The following SPATA6L variants were observed in gnomAD, a reference collection of about 807,000 sequenced individuals.
SPATA6L encodes spermatogenesis associated 6 like, also known as spermatogenesis associated 6-like protein.
SPATA6L carries 68 observed loss-of-function variants against 49.2 expected under a neutral mutation model. The ratio of observed to expected loss-of-function variants is 1.38; its 90% confidence interval spans 1.14 to 1.69. The LOEUF is 1.69. Among genes scored for constraint, SPATA6L ranks in the 40% most tolerant of loss-of-function variants. The probability of loss-of-function intolerance (pLI) is 0.00; values close to 1 mark genes in which losing one functional copy is unlikely to be tolerated. For synonymous variants in SPATA6L, 198 were observed against 165.7 expected, an observed-to-expected ratio of 1.19 and a Z score of -1.50; for missense variants, 668 against 464.3, an observed-to-expected ratio of 1.44 and a Z score of -4.03.
At position 4,598,670 on chromosome 9, in the gene SPATA6L, A is replaced by G. The variant is rs1822550550; in HGVS notation, c.*2141T>C. Among the ~76,000 whole-genome samples, 1 of 152,240 alleles carries G rather than the reference A, an allele frequency of 6.6e-6. No individual in the cohort carries two copies. On this transcript the variant is annotated 3_prime_UTR_variant, in exon 12 of 12. Transcript: ENST00000682582. ...GAATGTCATGGTGTATATTTTAACA[A>G]TAACTGAAATGGGATACCAATTCAT...
At chr9:4,645,557 C>A (rs1835191006) in intron 3 of SPATA6L, among the ~76,000 whole-genome samples, 1 of 152,106 alleles carries the variant, frequency 6.6e-6, no homozygotes, top group African/African-American at 2.4e-5. Context: ...AACAGTCTGA[C>A]TCCCACGATA....
Position 4,608,960 on chromosome 9 carries a change from G to A in SPATA6L, c.996-3520C>T, listed in dbSNP as rs1034975680. Among the ~76,000 whole-genome samples, 9 of 151,752 alleles carry A rather than the reference G, an allele frequency of 5.9e-5. 1 individual carries two copies. The highest frequency in any genetic ancestry group is 4.6e-4 in the Admixed American group (7 of 15,264). On this transcript the variant is annotated intron_variant, in intron 9 of 11. Coordinates refer to ENST00000682582, the MANE Select transcript of SPATA6L (RefSeq NM_001353486.2). Reference sequence around the variant, plus strand: ...TAGACGCAATATAAAATGATAAAGGGGATATCACCACCGATCCCACAGAAA... The same window carrying A: ...TAGACGCAATATAAAATGATAAAGGAGATATCACCACCGATCCCACAGAAA...
At chr9:4,619,590 T>A (rs1174092350) in intron 7 of SPATA6L, among the ~76,000 whole-genome samples, 1 of 152,164 alleles carries the variant, frequency 6.6e-6, no homozygotes, top group Non-Finnish European at 1.5e-5. Context: ...GAAAGTACTG[T>A]GTGTCTAATA....
chr9:4,656,158 G>A, intron 2 of SPATA6L, 69 bp from the exon 3 acceptor site: 3 of 1,317,158 alleles, frequency 2.3e-6, no homozygotes, highest in Non-Finnish European at 3.2e-6. Flanking sequence ...AACTGTAAAT[G>A]CCAGGTGCAG....
rs768964167 is a variant in SPATA6L at position 4,662,429 on chromosome 9, G to GAGC, written c.40-396_40-394dup. On this transcript the variant is annotated intron_variant, in intron 1 of 11. Transcript: ENST00000682582. The surrounding 1 kb of genome is among the most constrained non-coding windows in gnomAD (Gnocchi z 4.9). ...GACGGCCGCTGGGCGTCTCCGCTTC[G>GAGC]AGCAGCAGCAGCAGCCCCGGCAGCC... The GAGC allele has an allele frequency of 4.5e-6, 7 of 1,541,538 alleles. No homozygotes were observed. The East Asian group carries it at 9.6e-5, about 21-fold the overall frequency.
At chr9:4,657,014 A>G (rs1838427979) in intron 2 of SPATA6L, among the ~76,000 whole-genome samples, 1 of 152,242 alleles carries the variant, frequency 6.6e-6, no homozygotes. Context: ...GAAGCACAAG[A>G]AAAACATTGT....
At chr9:4,593,716 T>A (rs1564080304), downstream of SPATA6L, among the ~76,000 whole-genome samples, 1 of 152,196 alleles carries the variant, frequency 6.6e-6, no homozygotes, top group Non-Finnish European at 1.5e-5. Flanking sequence ...CTGCAACATA[T>A]GTCACTGTTG....
At chr9:4,657,041 T>A (rs565132485) in intron 2 of SPATA6L, among the ~76,000 whole-genome samples, 61 of 152,326 alleles carry the variant, frequency 4.0e-4, no homozygotes, top group Non-Finnish European at 5.6e-4. Flanking sequence ...TGTCTAGCCA[T>A]TGCCAAATCT....
At chr9:4,648,080 C>T (rs1418794768) in intron 3 of SPATA6L, among the ~76,000 whole-genome samples, 2 of 152,056 alleles carry the variant, frequency 1.3e-5, no homozygotes, top group Non-Finnish European at 2.9e-5. Context: ...GGTGATTTGC[C>T]CACCTCAGCC....
At chr9:4,647,335 T>C (rs1835631760) in intron 3 of SPATA6L, among the ~76,000 whole-genome samples, 1 of 152,162 alleles carries the variant, frequency 6.6e-6, no homozygotes, top group Admixed American at 6.6e-5. Context: ...CTCGTGCCTG[T>C]AATCCCAGCA....
intron 5 of SPATA6L, chr9:4,628,417 T>C (rs1192051541): frequency 6.6e-6 from 1 of 151,998 alleles, no homozygotes; most frequent in East Asian, 1.9e-4. Flanking sequence ...AATTTCTAAA[T>C]TTTTATTTTA....
chr9:4,654,511 T>C (rs1480439596), intron 3 of SPATA6L, among the ~76,000 whole-genome samples: 12 of 152,230 alleles, frequency 7.9e-5, no homozygotes, highest in Non-Finnish European at 1.8e-4. Flanking sequence ...TTAGACCCTC[T>C]ACCATGTCGC....
chr9:4,606,345 G>T (rs1440760495), intron 9 of SPATA6L, among the ~76,000 whole-genome samples: 2 of 139,482 alleles, frequency 1.4e-5, no homozygotes, highest in Non-Finnish European at 3.0e-5. Context: ...TCTGGGGGCA[G>T]GGCACAGACA....
At chr9:4,594,477 G>A (rs1017806617), downstream of SPATA6L, among the ~76,000 whole-genome samples, 19 of 152,228 alleles carry the variant, frequency 1.2e-4, no homozygotes, top group Non-Finnish European at 8.8e-5. Flanking sequence ...CTCCCAAAGT[G>A]CTGGGATTAC....
At chr9:4,597,351 C>T (rs1300999152), downstream of SPATA6L, among the ~76,000 whole-genome samples, 1 of 142,842 alleles carries the variant, frequency 7.0e-6, no homozygotes, top group African/African-American at 2.8e-5. Context: ...CACACACACA[C>T]ACACACACAC....
intron 3 of SPATA6L, among the ~76,000 whole-genome samples, chr9:4,639,384 T>G (rs1303228479): frequency 1.1e-4 from 17 of 152,186 alleles, no homozygotes; most frequent in Non-Finnish European, 2.4e-4. Flanking sequence ...TATCAAGAAT[T>G]TAGATAAAAG....
rs112451916 is a variant in SPATA6L, at chr9:4,638,862, G to A, written c.227-3463C>T. Among the ~76,000 whole-genome samples, 1,042 of 150,338 alleles carry A rather than the reference G, an allele frequency of 6.9e-3. 15 individuals carry two copies. Among genetic ancestry groups the A allele is most frequent in the African/African-American group, 0.024 (999 of 40,942 alleles). On this transcript the variant is annotated intron_variant, in intron 3 of 11. Coordinates refer to ENST00000682582, the MANE Select transcript of SPATA6L (RefSeq NM_001353486.2). ...TGCAATGGCGTAGTCTCAGCTAACT[G>A]CAACCTCCGCCTCCCGGGTTCAAGC...
chr9:4,618,031 G>A lies in SPATA6L; in HGVS notation c.887C>T (p.Ser296Phe). The A allele has an allele frequency of 6.2e-7, 1 of 1,614,074 alleles. No individual in the cohort carries two copies. ...AGCATCCCCTTGTTTACTGGATGAA[G>A]ACTTTCCAAACTGACTTGAATCTAA... ...SCLDSSQFGK[S>F]SSSKQGDADF... Residue 296 changes from serine to phenylalanine, a missense_variant, in exon 9 of 12, where the codon TCT becomes TTT. By Grantham distance (155) the Ser-to-Phe change is radical. Transcript: ENST00000682582.
In SPATA6L at chr9:4,599,318, T is replaced by C. The variant is rs1165183759; in HGVS notation, c.*1493A>G. On this transcript the variant is annotated 3_prime_UTR_variant, in exon 12 of 12. Coordinates refer to ENST00000682582, the MANE Select transcript of SPATA6L (RefSeq NM_001353486.2). ...TGGATATACCTTTATTTGGCTGAAATTCTAAGAAGAGGATAAATGAATTTT... is the reference window on the plus strand; with the variant it reads ...TGGATATACCTTTATTTGGCTGAAACTCTAAGAAGAGGATAAATGAATTTT... 6.6e-6 allele frequency among the ~76,000 whole-genome samples: 1 copy of C among 152,240 alleles called. No individual in the cohort carries two copies. Among genetic ancestry groups the C allele is most frequent in the African/African-American group, 2.4e-5 (1 of 41,464 alleles).
Sources: allele counts gnomAD v4.1 joint callset (sites outside exome capture counted in the v4.1 genomes callset), GRCh38; gene constraint gnomAD v4.1.1; non-coding constraint Gnocchi (gnomAD v3.1); transcripts MANE v1.5; gene names NCBI Gene and HGNC (gene_info 2026-07-23, HGNC 2026-07-21).